Variants in CERS6 observed in about 807,000 individuals in gnomAD.
CERS6 encodes the protein LAG1 homolog, ceramide synthase 6.
Under a neutral mutation model 56.8 loss-of-function variants are expected in CERS6, and 26 were observed. The ratio of observed to expected loss-of-function variants is 0.46; its 90% CI spans 0.34 to 0.63. The LOEUF is 0.63. CERS6 is among the 30% of genes least tolerant of loss of function. CERS6 has a pLI of 0.01. For synonymous variants in CERS6, 164 were observed against 173.3 expected (o/e 0.95, Z 0.42); for missense variants, 415 against 467.5 (o/e 0.89, Z 1.04).
chr2:168,664,451 G>A (rs1312200680), intron 4 of CERS6, among the ~76,000 whole-genome samples: 2 of 152,076 alleles, frequency 1.3e-5, no homozygotes, highest in Non-Finnish European at 2.9e-5. Context: ...AAGAATTCAG[G>A]GTGAGTCCAC....
At chr2:168,523,038 A>G (rs1337571248) in intron 1 of CERS6, among the ~76,000 whole-genome samples, 1 of 152,246 alleles carries the variant, frequency 6.6e-6, no homozygotes, top group Non-Finnish European at 1.5e-5. Context: ...GCTGAAAGTA[A>G]CAGTACCTGA....
intron 1 of CERS6, among the ~76,000 whole-genome samples, chr2:168,520,540 C>T (rs1694957342): frequency 8.1e-6 from 1 of 123,524 alleles, no homozygotes; most frequent in African/African-American, 3.0e-5. Flanking sequence ...CCTAGGTTTT[C>T]TTCTAGGATC....
intron 6 of CERS6, among the ~76,000 whole-genome samples, chr2:168,714,724 C>G (rs1176288514): frequency 6.6e-6 from 1 of 152,122 alleles, no homozygotes; most frequent in Admixed American, 6.6e-5. Context: ...CATATGATGA[C>G]ACAGCTAGAA....
Position 168,774,028 on chromosome 2 carries a change from C to T in CERS6, c.*4366C>T, listed in dbSNP as rs879290534. ...CATCACGAATATTTTTAATAGGATCCGCAGACACCCAAAGGAGAAGCTTGG... is the reference window on the plus strand; with the variant it reads ...CATCACGAATATTTTTAATAGGATCTGCAGACACCCAAAGGAGAAGCTTGG... On this transcript the variant is annotated 3_prime_UTR_variant, in exon 10 of 10. Coordinates refer to ENST00000305747, the MANE Select transcript of CERS6 (RefSeq NM_203463.3). 1 of 152,136 alleles carries T rather than the reference C, an allele frequency of 6.6e-6. No homozygotes were observed. The highest frequency in any genetic ancestry group is 1.9e-4 in the East Asian group (1 of 5,192). 9.4% of individuals were successfully genotyped at this position (152,136 alleles called of 1,614,324 possible). A position where few individuals can be genotyped will look rare whatever the true frequency, so the allele number is the denominator to read the frequency against.
At position 168,491,466 on chromosome 2, in the gene CERS6, A is replaced by G. The variant is rs185521994; in HGVS notation, c.170+34848A>G. Among the ~76,000 whole-genome samples, 247 of 151,918 alleles carry G rather than the reference A, an allele frequency of 1.6e-3. 1 individual carries two copies. Among genetic ancestry groups the G allele is most frequent in the Middle Eastern group, 0.01 (3 of 294 alleles). ...ATCATATTAGTATATTTTCTGTGCT[A>G]TTTGTTCTTTTCTAATCTTTGTTTT... On this transcript the variant is annotated intron_variant, in intron 1 of 9. Transcript: ENST00000305747.
chr2:168,706,888 G>A lies in CERS6; in HGVS notation c.610-8113G>A, dbSNP rs112494988. ...AATAAATATTTTAATTTTTGGGGAC[G>A]TGTAATCTCTGTTGCAGCTTCTCAG... On this transcript the variant is annotated intron_variant, in intron 6 of 9. Transcript: ENST00000305747. Among the ~76,000 whole-genome samples, 506 of 152,290 alleles carry A rather than the reference G, an allele frequency of 3.3e-3. 2 individuals are homozygous for A. The highest frequency in any genetic ancestry group is 0.011 in the African/African-American group (469 of 41,554).
chr2:168,567,078 G>A (rs1695897783), intron 3 of CERS6, among the ~76,000 whole-genome samples: 1 of 152,192 alleles, frequency 6.6e-6, no homozygotes, highest in African/African-American at 2.4e-5. Context: ...CTGATTATAA[G>A]TCTGGGGAAA....
At chr2:168,743,991 T>G (rs1279957763) in intron 8 of CERS6, among the ~76,000 whole-genome samples, 1 of 118,866 alleles carries the variant, frequency 8.4e-6, no homozygotes, top group East Asian at 2.2e-4. Context: ...TTTTTCTTTT[T>G]TTTCTTTTTT....
chr2:168,551,654 G>A (rs955415708), intron 2 of CERS6, among the ~76,000 whole-genome samples: 4 of 152,042 alleles, frequency 2.6e-5, no homozygotes, highest in Non-Finnish European at 5.9e-5. Context: ...TGTCTCATTG[G>A]TTCCCATATT....
chr2:168,582,556 A>G (rs34966069), intron 3 of CERS6, among the ~76,000 whole-genome samples: 12,160 of 152,232 alleles, frequency 0.08, 715 homozygotes, highest in African/African-American at 0.17. Flanking sequence ...AAATCATTTA[A>G]TAACTATCAT....
At chr2:168,714,270 G>T (rs1283958572) in intron 6 of CERS6, among the ~76,000 whole-genome samples, 1 of 152,104 alleles carries the variant, frequency 6.6e-6, no homozygotes, top group Non-Finnish European at 1.5e-5. Context: ...CATGAATTTG[G>T]TGGGCACACA....
At chr2:168,708,480 AG>A (rs891854565) in intron 6 of CERS6, among the ~76,000 whole-genome samples, 1 of 152,070 alleles carries the variant, frequency 6.6e-6, no homozygotes, top group African/African-American at 2.4e-5. Flanking sequence ...TTTTTTAATG[AG>A]GGGTTTCTAT....
chr2:168,515,180 A>T (rs1694863645), intron 1 of CERS6, among the ~76,000 whole-genome samples: 1 of 152,208 alleles, frequency 6.6e-6, no homozygotes. Context: ...TGAATAGTTC[A>T]GTTGTCTATA....
intron 1 of CERS6, among the ~76,000 whole-genome samples, chr2:168,515,084 T>C (rs1694862112): frequency 6.6e-6 from 1 of 152,224 alleles, no homozygotes; most frequent in Non-Finnish European, 1.5e-5. Flanking sequence ...ATAATAGGAA[T>C]AAAATGAGAT....
At chr2:168,701,615 T>C (rs972813720) in intron 6 of CERS6, among the ~76,000 whole-genome samples, 1 of 152,220 alleles carries the variant, frequency 6.6e-6, no homozygotes, top group Non-Finnish European at 1.5e-5. Flanking sequence ...AAAACTATAG[T>C]TGTCCCTCAG....
chr2:168,768,285 A>C (rs1684772607), intron 9 of CERS6, among the ~76,000 whole-genome samples: 1 of 151,074 alleles, frequency 6.6e-6, no homozygotes, highest in Non-Finnish European at 1.5e-5. Flanking sequence ...GCTGGAGTGC[A>C]ATGGCGCGAT....
At chr2:168,676,007 A>G (rs1250909492) in intron 4 of CERS6, among the ~76,000 whole-genome samples, 1 of 152,218 alleles carries the variant, frequency 6.6e-6, no homozygotes, top group East Asian at 1.9e-4. Flanking sequence ...TTCTAAAACA[A>G]AAAATCAGAG....
intron 5 of CERS6, among the ~76,000 whole-genome samples, chr2:168,693,598 T>G (rs1686561186): frequency 6.6e-6 from 1 of 152,168 alleles, no homozygotes; most frequent in Non-Finnish European, 1.5e-5. Flanking sequence ...CAAGGACAGT[T>G]CAGTAGGAAG....
chr2:168,737,042 A>G (rs1461533152), intron 8 of CERS6, among the ~76,000 whole-genome samples: 1 of 151,968 alleles, frequency 6.6e-6, no homozygotes, highest in Non-Finnish European at 1.5e-5. Flanking sequence ...TCTCTCCACC[A>G]CTTTTTATCC....
Sources: allele counts gnomAD v4.1 joint callset (sites outside exome capture counted in the v4.1 genomes callset), GRCh38; gene constraint gnomAD v4.1.1; transcripts MANE v1.5; gene names NCBI Gene and HGNC (gene_info 2026-07-23, HGNC 2026-07-21).